NCAN: variants seen among roughly 807,000 people sequenced by gnomAD.
The protein encoded by NCAN is neurocan.
Under a neutral mutation model 121.8 loss-of-function variants are expected in NCAN, and 47 were observed. That is an observed-to-expected ratio of 0.39 (90% confidence interval 0.31 to 0.49). The LOEUF is 0.49. Ranked by LOEUF, NCAN falls within the 20% of genes least tolerant of loss-of-function variation. The pLI is 0.92. For missense variants in NCAN, 1,517 were observed against 1,773.4 expected (o/e 0.86, Z 2.60); for synonymous variants, 633 against 702.0 (o/e 0.90, Z 1.55).
chr19:19,239,469 C>T (rs948455601), intron 11 of NCAN, among the ~76,000 whole-genome samples: 5 of 132,144 alleles, frequency 3.8e-5, no homozygotes, highest in African/African-American at 1.4e-4. Flanking sequence ...CTCCCTCCTC[C>T]TTCCATTCTT....
At chr19:19,236,604 T>G (rs1036980902) in intron 10 of NCAN, among the ~76,000 whole-genome samples, 1 of 152,122 alleles carries the variant, frequency 6.6e-6, no homozygotes, top group Non-Finnish European at 1.5e-5. Flanking sequence ...TAATTTACTT[T>G]TTTTTTGTAG....
At position 19,239,942 on chromosome 19, in the gene NCAN, C is replaced by A. The variant is rs1206570909; in HGVS notation, c.3410-661C>A. On this transcript the variant is annotated intron_variant, in intron 11 of 14. Transcript: ENST00000252575. ...TCTCTCCTTCCTCCCTCCCATTCCT[C>A]TGCCTCCTCCTTCCACTCATCTTCC... is the stretch of plus-strand genomic sequence containing the variant. 2.1e-5 allele frequency among the ~76,000 whole-genome samples: 3 copies of A among 143,656 alleles called. No individual in the cohort carries two copies. The Admixed American group carries it at 2.1e-4, about 10-fold the overall frequency. 94.2% of individuals were successfully genotyped at this position (143,656 alleles called of 152,430 possible).
intron 6 of NCAN, among the ~76,000 whole-genome samples, chr19:19,226,179 C>T (rs1400323115): frequency 2.6e-5 from 4 of 152,276 alleles, no homozygotes; most frequent in Non-Finnish European, 5.9e-5. Context: ...ATCCACCCAC[C>T]TTGGCCTCCC....
chr19:19,216,882 A>G (rs921700142), intron 1 of NCAN, 65 bp from the exon 2 acceptor site: 1 of 966,706 alleles, frequency 1.0e-6, no homozygotes, highest in Non-Finnish European at 1.4e-6. Flanking sequence ...TTGGTCCTGC[A>G]ATGCTGAATA....
At chr19:19,219,376 C>G in intron 3 of NCAN, 60 bp downstream of exon 3, 1 of 1,419,346 alleles carries the variant, frequency 7.0e-7, no homozygotes, top group African/African-American at 1.4e-5. Flanking sequence ...AGCCTGGAGC[C>G]CACCCACTGA....
At position 19,228,716 on chromosome 19, in the gene NCAN, G is replaced by A. The variant is rs1483552545; in HGVS notation, c.3019+77G>A. ...GGAGCAGGGGCTGGGGGATCCCAGA[G>A]CAGGGAGGAATGGTTGTCCCTGGGG... On this transcript the variant is annotated intron_variant, in intron 8 of 14. Transcript: ENST00000252575. 4.1e-6 allele frequency: 6 copies of A among 1,471,918 alleles called. No individual in the cohort carries two copies. In the East Asian group the frequency reaches 7.0e-5, roughly 17 times the overall value. The allele number at this position is 1,471,918 out of a possible 1,614,324, so 91.2% of individuals were successfully genotyped here.
At chr19:19,243,528 A>G (rs1344233729) in intron 12 of NCAN, among the ~76,000 whole-genome samples, 2 of 150,784 alleles carry the variant, frequency 1.3e-5, no homozygotes, top group Admixed American at 6.6e-5. Context: ...AAAAAAAAAA[A>G]AAAAAAGAAA....
rs757592036 is a variant in NCAN, at chr19:19,228,469, C to T, written c.2849C>T (p.Thr950Met). 5.8e-5 allele frequency: 93 copies of T among 1,613,436 alleles called. No individual in the cohort carries two copies. Among genetic ancestry groups the T allele is most frequent in the Non-Finnish European group, 7.4e-5 (87 of 1,180,018 alleles). The change falls in exon 8 of 15, where the codon ACG (threonine) becomes ATG (methionine). Residue 950 changes from threonine to methionine, a missense_variant. Physicochemically the swap from Thr to Met is moderately conservative, Grantham distance 81. Coordinates refer to ENST00000252575, the MANE Select transcript of NCAN (RefSeq NM_004386.3). ...ESASVSSGEP[T>M]VPWDPSSTLL... is the part of the protein sequence containing the mutation. The stretch of plus-strand genomic sequence containing the variant: ...GCCTCAGTTTCCTCAGGGGAGCCTA[C>T]GGTACCGTGGGACCCCTCCAGCACC...
At position 19,219,189 on chromosome 19, in the gene NCAN, C is replaced by T. The variant is rs2060806603; in HGVS notation, c.348C>T (p.Tyr116=). Residue 116 remains tyrosine, a synonymous_variant, in exon 3 of 15, where the codon TAC becomes TAT. Coordinates refer to ENST00000252575, the MANE Select transcript of NCAN (RefSeq NM_004386.3). ...AGGGACGAGTGTCACTGCCTTCCTA[C>T]CCCCGGCGCCGAGCCAACGCCACGC... The part of the protein sequence containing the change: ...SWQGRVSLPS[Y]PRRRANATLL... 1.2e-6 allele frequency: 2 copies of T among 1,612,066 alleles called. No homozygotes were observed. Among genetic ancestry groups the T allele is most frequent in the East Asian group, 2.2e-5 (1 of 44,882 alleles).
chr19:19,219,946 G>A (rs2060810318), intron 3 of NCAN, among the ~76,000 whole-genome samples: 1 of 151,620 alleles, frequency 6.6e-6, no homozygotes, highest in African/African-American at 2.4e-5. Flanking sequence ...AGAACTGCTT[G>A]AACCCAGAAG....
chr19:19,230,676 C>A, intron 8 of NCAN, among the ~76,000 whole-genome samples: 1 of 148,380 alleles, frequency 6.7e-6, no homozygotes, highest in African/African-American at 2.5e-5. Context: ...CAGGTTTCAT[C>A]ATCCAGCCTG....
Position 19,248,475 on chromosome 19 carries a change from C to G in NCAN, c.3638-225C>G, listed in dbSNP as rs138347007. Among the ~76,000 whole-genome samples, 30 of 151,738 alleles carry G rather than the reference C, an allele frequency of 2.0e-4. No individual in the cohort carries two copies. The East Asian group carries it at 5.8e-3, about 29-fold the overall frequency. ...AGGAACAAAAAAATACAAAAATTAG[C>G]CAGGTGTAGATTACAGGCAGGTGCC... On this transcript the variant is annotated intron_variant, in intron 13 of 14. Coordinates refer to ENST00000252575, the MANE Select transcript of NCAN (RefSeq NM_004386.3).
At chr19:19,221,843 A>C (rs2060817901) in intron 3 of NCAN, among the ~76,000 whole-genome samples, 1 of 152,150 alleles carries the variant, frequency 6.6e-6, no homozygotes, top group South Asian at 2.1e-4. Flanking sequence ...GTGAGCTGAG[A>C]TCGCACCACT....
chr19:19,226,681 A>G lies in NCAN; in HGVS notation c.1268A>G (p.Gln423Arg). The change falls in exon 7 of 15, where the codon CAG becomes CGG. Residue 423 changes from glutamine to arginine, a missense_variant. Physicochemically the swap from Gln to Arg is conservative, Grantham distance 43 (BLOSUM62 1). Transcript: ENST00000252575. ...EEETLILEEK[Q>R]ESQQTLSPTP... ...GAAACCCTGATTTTGGAGGAGAAGC[A>G]GGAGTCTCAACAGACCCTCAGCCCT... 2 of 1,613,638 alleles carry G rather than the reference A, an allele frequency of 1.2e-6. No individual in the cohort carries two copies. Among genetic ancestry groups the G allele is most frequent in the African/African-American group, 2.7e-5 (2 of 75,070 alleles).
At chr19:19,240,781 G>A (rs950633752) in intron 12 of NCAN, 96 bp downstream of exon 12, 19 of 1,214,186 alleles carry the variant, frequency 1.6e-5, no homozygotes, top group South Asian at 3.7e-5. Context: ...TCGCAATTGG[G>A]TGTCAGAGGT....
Position 19,225,009 on chromosome 19 carries a change from C to T in NCAN, c.811C>T (p.Leu271=). 1 of 1,475,954 alleles carries T rather than the reference C, an allele frequency of 6.8e-7. No homozygotes were observed. Among genetic ancestry groups the T allele is most frequent in the Non-Finnish European group, 8.9e-7 (1 of 1,121,674 alleles). 91.4% of individuals were successfully genotyped at this position (1,475,954 alleles called of 1,614,324 possible). A position where few individuals can be genotyped will look rare whatever the true frequency, so the allele number is the denominator to read the frequency against. The change falls in exon 6 of 15, where the codon CTG becomes TTG. Residue 271 remains leucine (L), a synonymous_variant. Coordinates refer to ENST00000252575, the MANE Select transcript of NCAN (RefSeq NM_004386.3). This position sits in a 1 kb window ranked among gnomAD's most constrained non-coding sequence, Gnocchi z 4.0. ...EVFYVGPARR[L]TLAGARAQCR... ...CTTCTACGTGGGCCCGGCCCGCCGC[C>T]TGACACTGGCCGGCGCGCGTGCACA...
At chr19:19,244,492 A>T (rs1032526525) in intron 12 of NCAN, among the ~76,000 whole-genome samples, 7 of 151,528 alleles carry the variant, frequency 4.6e-5, no homozygotes, top group Non-Finnish European at 1.5e-5. Context: ...TATTTTTATG[A>T]GAGACAGGGT....
intron 10 of NCAN, among the ~76,000 whole-genome samples, chr19:19,235,549 G>A (rs1040401483): frequency 2.6e-5 from 4 of 151,696 alleles, no homozygotes; most frequent in Admixed American, 1.3e-4. Flanking sequence ...TGGAATTACA[G>A]GCATGTGCCA....
At chr19:19,214,563 G>A (rs2146534082) in intron 1 of NCAN, among the ~76,000 whole-genome samples, 1 of 152,180 alleles carries the variant, frequency 6.6e-6, no homozygotes, top group South Asian at 2.1e-4. Context: ...AACATTTCTA[G>A]GACTTTGCAA....
Sources: allele counts gnomAD v4.1 joint callset (sites outside exome capture counted in the v4.1 genomes callset), GRCh38; gene constraint gnomAD v4.1.1; non-coding constraint Gnocchi (gnomAD v3.1); transcripts MANE v1.5; gene names NCBI Gene and HGNC (gene_info 2026-07-23, HGNC 2026-07-21).